Variants in ACAT2 observed in about 807,000 individuals in gnomAD.
ACAT2 encodes the protein acetyl-CoA acetyltransferase 2.
In ACAT2, 26 loss-of-function variants were observed where a neutral mutation model predicts 37.1. The observed-to-expected ratio is 0.70, with a 90% CI of 0.51 to 0.97. The LOEUF (loss-of-function observed/expected upper bound fraction) is 0.97, where lower values mean the gene tolerates loss of function less well. Ranked by LOEUF, ACAT2 falls within the 50% of genes least tolerant of loss-of-function variation. ACAT2 has a pLI of 0.00. For missense variants in ACAT2, 468 were observed against 489.0 expected (o/e 0.96, Z 0.40); for synonymous variants, 156 against 163.6 (o/e 0.95, Z 0.35).
chr6:159,778,973 T>A lies in ACAT2; in HGVS notation c.*144T>A. 6.4e-7 allele frequency: 1 copy of A among 1,560,700 alleles called. No homozygotes were observed. The highest frequency in any genetic ancestry group is 8.7e-7 in the Non-Finnish European group (1 of 1,144,846). The stretch of plus-strand genomic sequence containing the variant: ...CAAGTTTACAGCTTGTACTTTACTT[T>A]AATGTGTAATACTCAACTCAAGGTA... On this transcript the variant is annotated 3_prime_UTR_variant, in exon 9 of 9. Coordinates refer to ENST00000367048, the MANE Select transcript of ACAT2 (RefSeq NM_005891.3).
intron 4 of ACAT2, among the ~76,000 whole-genome samples, chr6:159,769,580 A>G (rs970629327): frequency 1.3e-5 from 2 of 152,236 alleles, no homozygotes; most frequent in Non-Finnish European, 2.9e-5. Flanking sequence ...ACTATAAACA[A>G]GCATAAAACT....
intron 7 of ACAT2, among the ~76,000 whole-genome samples, chr6:159,777,921 G>A (rs1268217580): frequency 3.9e-5 from 6 of 152,140 alleles, no homozygotes; most frequent in African/African-American, 1.4e-4. Context: ...CATAACAGAT[G>A]CTACTGGTTC....
intron 5 of ACAT2, chr6:159,775,519 C>T: frequency 1.8e-6 from 1 of 558,536 alleles, no homozygotes; most frequent in Non-Finnish European, 3.1e-6. Flanking sequence ...CACTCAAGCA[C>T]TCTTGGTTCC....
intron 5 of ACAT2, 75 bp from the exon 6 acceptor site, chr6:159,776,075 A>C: frequency 6.6e-7 from 1 of 1,510,910 alleles, no homozygotes; most frequent in Non-Finnish European, 9.0e-7. Context: ...GTTTAATGGC[A>C]GAGAACCCAC....
chr6:159,766,985 C>T lies in ACAT2; in HGVS notation c.191-20C>T, dbSNP rs1780265817. 1 of 1,613,364 alleles carries T rather than the reference C, an allele frequency of 6.2e-7. No individual in the cohort carries two copies. The highest frequency in any genetic ancestry group is 1.1e-5 in the South Asian group (1 of 91,054). ...TCTTTCTCCTTGATTGCTAAGAGTC[C>T]TCTGTGTTCCTCTTTCTAGGCTGTG... On this transcript the variant is annotated intron_variant, in intron 2 of 8. Coordinates refer to ENST00000367048, the MANE Select transcript of ACAT2 (RefSeq NM_005891.3).
intron 2 of ACAT2, among the ~76,000 whole-genome samples, chr6:159,765,632 A>G (rs931227863): frequency 6.7e-6 from 1 of 149,144 alleles, no homozygotes; most frequent in African/African-American, 2.5e-5. Context: ...GGGTTTCACC[A>G]TATTGTCCAG....
At chr6:159,763,201 G>A in intron 2 of ACAT2, 148 bp downstream of exon 2, 7 of 1,112,706 alleles carry the variant, frequency 6.3e-6, no homozygotes, top group Non-Finnish European at 7.5e-6. Context: ...CCTCTGTTAT[G>A]ATTCCTCCTG....
intron 2 of ACAT2, among the ~76,000 whole-genome samples, chr6:159,765,994 G>C (rs995324276): frequency 2.6e-5 from 4 of 152,184 alleles, no homozygotes; most frequent in African/African-American, 9.7e-5. Context: ...CATTGACTCT[G>C]ATAACAGACA....
intron 5 of ACAT2, chr6:159,775,685 C>G (rs867985340): frequency 9.2e-5 from 19 of 206,444 alleles, no homozygotes; most frequent in Middle Eastern, 1.9e-3. Context: ...TCTGTGTGAT[C>G]TCCATTTCAC....
At chr6:159,768,708 T>C (rs2114979141) in intron 4 of ACAT2, 80 bp downstream of exon 4, 2 of 944,170 alleles carry the variant, frequency 2.1e-6, no homozygotes, top group East Asian at 4.9e-5. Flanking sequence ...TTAGGTGCTT[T>C]CGTCCTTATG....
rs1780484985 is a variant in ACAT2, at chr6:159,778,517, A to C, written c.1024-142A>C. The C allele has an allele frequency of 3.1e-6, 3 of 968,884 alleles. No homozygotes were observed. In the East Asian group the frequency reaches 7.8e-5, roughly 25 times the overall value. The allele number at this position is 968,884 out of a possible 1,614,324, so 60.0% of individuals were successfully genotyped here. ...CAGGGATGAATTTTCACAAAGGTGT[A>C]AATTTATTCCTAAGCAGTTAAAATG... On this transcript the variant is annotated intron_variant, in intron 8 of 8. Transcript: ENST00000367048.
chr6:159,762,045 A>G lies in ACAT2; in HGVS notation c.-43A>G. ...TGGGCTGCGAGGAGGAGCTTTGCCT[A>G]GCTTGCAGGCAGCGCAGGGCAGACG... On this transcript the variant is annotated 5_prime_UTR_variant, in exon 1 of 9. Coordinates refer to ENST00000367048, the MANE Select transcript of ACAT2 (RefSeq NM_005891.3). The G allele has an allele frequency of 6.2e-7, 1 of 1,607,266 alleles. No individual in the cohort carries two copies. Among genetic ancestry groups the G allele is most frequent in the Non-Finnish European group, 8.5e-7 (1 of 1,176,336 alleles).
In ACAT2 at chr6:159,762,158, G is replaced by T. The variant is rs1227823511; in HGVS notation, c.55+16G>T. ...ACCATCATAGGTGAGTGGCCGGCGG[G>T]AGCCGCGCAGAGTCCGAGGCGCCTG... On this transcript the variant is annotated intron_variant, in intron 1 of 8. Transcript: ENST00000367048. 9 of 1,607,512 alleles carry T rather than the reference G, an allele frequency of 5.6e-6. 1 individual carries two copies. The highest frequency in any genetic ancestry group is 6.8e-6 in the Non-Finnish European group (8 of 1,176,778).
At chr6:159,762,392 A>T in intron 1 of ACAT2, 1 of 1,382,074 alleles carries the variant, frequency 7.2e-7, no homozygotes, top group Non-Finnish European at 9.4e-7. Context: ...GGGTAGAGCC[A>T]TCGCGTGGCC....
intron 8 of ACAT2, 159 bp from the exon 9 acceptor site, chr6:159,778,500 A>G: frequency 1.2e-6 from 1 of 851,716 alleles, no homozygotes; most frequent in East Asian, 2.7e-5. Context: ...GGCAGGGATG[A>G]ATTTTCACAA....
Position 159,762,904 on chromosome 6 carries a change from G to A in ACAT2, c.56-15G>A, listed in dbSNP as rs761241241. 1.2e-6 allele frequency: 2 copies of A among 1,608,274 alleles called. No individual in the cohort carries two copies. Among genetic ancestry groups the A allele is most frequent in the East Asian group, 2.2e-5 (1 of 44,858 alleles). On this transcript the variant is annotated splice_polypyrimidine_tract_variant and intron_variant, in intron 1 of 8. Coordinates refer to ENST00000367048, the MANE Select transcript of ACAT2 (RefSeq NM_005891.3). ...CAGGCTTGTGATGTCCACGCTCTCC[G>A]CCTTTCTATTGTAGGTTCCTTCAAT...
intron 8 of ACAT2, 63 bp from the exon 9 acceptor site, chr6:159,778,596 G>GT: frequency 6.4e-7 from 1 of 1,560,560 alleles, no homozygotes; most frequent in African/African-American, 1.4e-5. Flanking sequence ...AAAAAGACAA[G>GT]TTTAAGATTT....
intron 2 of ACAT2, among the ~76,000 whole-genome samples, chr6:159,764,053 A>G (rs758732215): frequency 1.3e-4 from 19 of 151,738 alleles, no homozygotes; most frequent in Non-Finnish European, 2.2e-4. Context: ...GTGAGCTGAG[A>G]TTGTGCCACT....
intron 3 of ACAT2, 74 bp from the exon 4 acceptor site, chr6:159,768,437 T>C: frequency 9.3e-7 from 1 of 1,074,430 alleles, no homozygotes; most frequent in Non-Finnish European, 1.4e-6. Flanking sequence ...AAATACTAGA[T>C]AGTTTTGAGT....
Sources: gnomAD v4.1 joint callset for allele counts (sites outside exome capture counted in the v4.1 genomes callset) on GRCh38, gnomAD v4.1.1 for gene constraint, MANE v1.5 for transcripts, NCBI Gene and HGNC (gene_info 2026-07-23, HGNC 2026-07-21) for gene names.